COL6A2: variants seen among roughly 807,000 people sequenced by gnomAD.
The protein encoded by COL6A2 is collagen alpha-2(VI) chain.
COL6A2 carries 90 observed loss-of-function variants against 124.9 expected under a neutral mutation model. The observed-to-expected ratio is 0.72, with a 90% confidence interval of 0.61 to 0.86. COL6A2 has a LOEUF of 0.86. Ranked by LOEUF, COL6A2 falls within the 40% of genes least tolerant of loss-of-function variation. COL6A2 has a pLI of 0.00. For synonymous variants in COL6A2, 793 were observed against 618.2 expected, an observed-to-expected ratio of 1.28 and a Z score of -4.19; for missense variants, 1,607 against 1,502.5, an observed-to-expected ratio of 1.07 and a Z score of -1.15.
intron 27 of COL6A2, among the ~76,000 whole-genome samples, chr21:46,127,319 G>C (rs1029453819): frequency 6.6e-6 from 1 of 152,140 alleles, no homozygotes; most frequent in Non-Finnish European, 1.5e-5. Context: ...CTCAGCACGC[G>C]GGTCGCGGTG....
intron 4 of COL6A2, 101 bp downstream of exon 4, chr21:46,112,925 A>T: frequency 1.4e-6 from 2 of 1,481,216 alleles, no homozygotes; most frequent in African/African-American, 1.4e-5. Context: ...GCTGGAACAG[A>T]TGAGAGGAGA....
At position 46,116,607 on chromosome 21, in the gene COL6A2, C is replaced by G. The variant is rs942219204; in HGVS notation, c.928-44C>G. The G allele has an allele frequency of 4.2e-5, 68 of 1,612,500 alleles. No individual in the cohort carries two copies. Among genetic ancestry groups the G allele is most frequent in the Non-Finnish European group, 5.6e-5 (66 of 1,179,818 alleles). On this transcript the variant is annotated intron_variant, in intron 8 of 27. Transcript: ENST00000300527. The surrounding 1 kb of genome is among the most constrained non-coding windows in gnomAD (Gnocchi z 4.6). ...CCCAGAGGCAGCAGTGCCCATGATGCTTTGAGGCACCGAGCTCACTGCGCC... is the reference window on the plus strand; with the variant it reads ...CCCAGAGGCAGCAGTGCCCATGATGGTTTGAGGCACCGAGCTCACTGCGCC...
intron 27 of COL6A2, among the ~76,000 whole-genome samples, chr21:46,127,366 G>A (rs962400741): frequency 2.6e-5 from 4 of 152,160 alleles, no homozygotes; most frequent in Non-Finnish European, 5.9e-5. Flanking sequence ...CCCGGTGGGT[G>A]AGCTGGGCCA....
At position 46,125,058 on chromosome 21, in the gene COL6A2, G is replaced by C. The variant is rs1039442915; in HGVS notation, c.1770+138G>C. 4.0e-6 allele frequency: 5 copies of C among 1,250,106 alleles called. No individual in the cohort carries two copies. In the African/African-American group the frequency reaches 7.4e-5, roughly 18 times the overall value. The allele number at this position is 1,250,106 out of a possible 1,614,324, so 77.4% of individuals were successfully genotyped here. On this transcript the variant is annotated intron_variant, in intron 23 of 27. Transcript: ENST00000300527. ...GGAGGTCAGAGGGCAAGGTCAGAGAGCAAGCTTGGTTGGGGAAGGTCACAG... is the reference window on the plus strand; with the variant it reads ...GGAGGTCAGAGGGCAAGGTCAGAGACCAAGCTTGGTTGGGGAAGGTCACAG...
intron 27 of COL6A2, chr21:46,129,505 G>A (rs374051849): frequency 7.1e-5 from 109 of 1,543,174 alleles, no homozygotes; most frequent in Admixed American, 2.8e-4. Flanking sequence ...CCGGGCACCC[G>A]CCCAGCCGGG....
At chr21:46,129,413 G>A in intron 27 of COL6A2, 1 of 1,612,484 alleles carries the variant, frequency 6.2e-7, no homozygotes, top group South Asian at 1.1e-5. Context: ...AGGACTGGAT[G>A]GAGCTGTTCA....
intron 27 of COL6A2, among the ~76,000 whole-genome samples, chr21:46,130,522 G>T (rs2078746968): frequency 6.6e-6 from 1 of 152,068 alleles, no homozygotes. Context: ...TCTTCCCACT[G>T]TGGGGATGAA....
chr21:46,116,250 C>T lies in COL6A2; in HGVS notation c.901-127C>T. ...CCCAGGGCTCAGCCTCCTCCGCAGACTGTTTGTCGAGAACACTAGATGCCA... is the reference window on the plus strand; with the variant it reads ...CCCAGGGCTCAGCCTCCTCCGCAGATTGTTTGTCGAGAACACTAGATGCCA... On this transcript the variant is annotated intron_variant, in intron 7 of 27. Coordinates refer to ENST00000300527, the MANE Select transcript of COL6A2 (RefSeq NM_001849.4). The surrounding 1 kb of genome is among the most constrained non-coding windows in gnomAD (Gnocchi z 4.6). 8.0e-7 allele frequency: 1 copy of T among 1,244,024 alleles called. No individual in the cohort carries two copies. The highest frequency in any genetic ancestry group is 1.2e-6 in the Non-Finnish European group (1 of 869,218). 77.1% of individuals were successfully genotyped at this position (1,244,024 alleles called of 1,614,324 possible).
rs1264706059 is a variant in COL6A2, at chr21:46,131,950, A to C, written c.2462-4A>C. 1 of 1,595,844 alleles carries C rather than the reference A, an allele frequency of 6.3e-7. No individual in the cohort carries two copies. The highest frequency in any genetic ancestry group is 8.5e-7 in the Non-Finnish European group (1 of 1,173,864). Reference sequence around the variant, plus strand: ...GCCCAGCCCGCACCTGCGTCTCCCCACAGAGCTGTCCGTGGCACAGTGCAC... The same window carrying C: ...GCCCAGCCCGCACCTGCGTCTCCCCCCAGAGCTGTCCGTGGCACAGTGCAC... On this transcript the variant is annotated splice_region_variant and splice_polypyrimidine_tract_variant and intron_variant, in intron 27 of 27. Coordinates refer to ENST00000300527, the MANE Select transcript of COL6A2 (RefSeq NM_001849.4).
chr21:46,128,527 A>G (rs2078709285), intron 27 of COL6A2, among the ~76,000 whole-genome samples: 1 of 152,074 alleles, frequency 6.6e-6, no homozygotes, highest in African/African-American at 2.4e-5. Flanking sequence ...GTCCACCCCA[A>G]AGCCCAGCCA....
At chr21:46,121,259 C>T (rs1214807349) in intron 17 of COL6A2, 136 bp downstream of exon 17, 3 of 879,184 alleles carry the variant, frequency 3.4e-6, no homozygotes, top group Non-Finnish European at 5.5e-6. Flanking sequence ...GAAGCCAGGA[C>T]CTGCTCCCCT....
At chr21:46,126,930 C>A (rs2078679533) in intron 27 of COL6A2, among the ~76,000 whole-genome samples, 1 of 152,168 alleles carries the variant, frequency 6.6e-6, no homozygotes, top group Non-Finnish European at 1.5e-5. Context: ...TGAAACCATC[C>A]CGGGGTGGAA....
chr21:46,132,671 A>G lies in COL6A2; in HGVS notation c.*119A>G, dbSNP rs1043962. 96,845 of 1,051,836 alleles carry G rather than the reference A, an allele frequency of 0.092. 5,051 individuals are homozygous for G. Among genetic ancestry groups the G allele is most frequent in the African/African-American group, 0.17 (10,735 of 63,590 alleles). The allele number at this position is 1,051,836 out of a possible 1,614,324, so 65.2% of individuals were successfully genotyped here. A position where few individuals can be genotyped will look rare whatever the true frequency, so the allele number is the denominator to read the frequency against. On this transcript the variant is annotated 3_prime_UTR_variant, in exon 28 of 28. Transcript: ENST00000300527. ...CACTCGGACGACGCCCTGGGCCTGC[A>G]CCTCTCCAGCTCCTCCCACGGGGTC...
Position 46,122,625 on chromosome 21 carries a change from C to T in COL6A2, c.1608+94C>T, listed in dbSNP as rs572057519. On this transcript the variant is annotated intron_variant, in intron 20 of 27. Transcript: ENST00000300527. Reference sequence around the variant, plus strand: ...CAATGCCCACCGTCACTGACAGGACCACCCCTGTCTTGAGATGGTCCTGGC... The same window carrying T: ...CAATGCCCACCGTCACTGACAGGACTACCCCTGTCTTGAGATGGTCCTGGC... 276 of 1,398,334 alleles carry T rather than the reference C, an allele frequency of 2.0e-4. 1 individual carries two copies. In the African/African-American group the frequency reaches 3.5e-3, roughly 18 times the overall value. 86.6% of individuals were successfully genotyped at this position (1,398,334 alleles called of 1,614,324 possible).
At chr21:46,099,143 C>G (rs2078259065) in intron 1 of COL6A2, 1 of 152,552 alleles carries the variant, frequency 6.6e-6, no homozygotes, top group African/African-American at 2.4e-5. Context: ...TGCACTTCGA[C>G]TCTGGTGATT....
rs145450812 is a variant in COL6A2, at chr21:46,125,986, G to T, written c.2171G>T (p.Arg724Leu). ...LIKESRRQKT[R>L]VFAVVITDGR... ...AAGGAGAGCCGGCGCCAGAAGACAC[G>T]TGTGTTTGCGGTGGTCATCACGGAC... The change falls in exon 26 of 28, where the codon CGT becomes CTT. Residue 724 changes from arginine to leucine, a missense_variant. By Grantham distance (102) the Arg-to-Leu change is moderately radical. Coordinates refer to ENST00000300527, the MANE Select transcript of COL6A2 (RefSeq NM_001849.4). 5.6e-5 allele frequency: 90 copies of T among 1,613,102 alleles called. No individual in the cohort carries two copies. The highest frequency in any genetic ancestry group is 4.9e-4 in the Middle Eastern group (3 of 6,062).
chr21:46,120,416 G>A (rs1390603886), intron 15 of COL6A2, 99 bp from the exon 16 acceptor site: 21 of 932,248 alleles, frequency 2.3e-5, no homozygotes, highest in Non-Finnish European at 3.1e-5. Context: ...CTTCCTCCCA[G>A]GCCCCCTTCC....
chr21:46,111,827 G>A, intron 2 of COL6A2, 152 bp from the exon 3 acceptor site: 1 of 642,314 alleles, frequency 1.6e-6, no homozygotes, highest in South Asian at 1.7e-5. Flanking sequence ...GGGCAGTTGG[G>A]ACCAGTACCC....
chr21:46,131,620 G>A (rs537688250), intron 27 of COL6A2, among the ~76,000 whole-genome samples: 1 of 152,274 alleles, frequency 6.6e-6, no homozygotes, highest in African/African-American at 2.4e-5. Flanking sequence ...GCAAATTCTT[G>A]AGCCATGAAA....
Sources: gnomAD v4.1 joint callset for allele counts (sites outside exome capture counted in the v4.1 genomes callset) on GRCh38, gnomAD v4.1.1 for gene constraint, Gnocchi (gnomAD v3.1) non-coding constraint, MANE v1.5 for transcripts, NCBI Gene and HGNC (gene_info 2026-07-23, HGNC 2026-07-21) for gene names.